The following UGT2A1 variants were observed in gnomAD, a reference collection of about 807,000 sequenced individuals.
UGT2A1 encodes the protein UDP-glucuronosyltransferase 2A1.
UGT2A1 carries 61 observed loss-of-function variants against 45.4 expected under a neutral mutation model. The ratio of observed to expected loss-of-function variants is 1.34; its 90% CI spans 1.09 to 1.66. UGT2A1 has a LOEUF of 1.66. UGT2A1 is among the 40% of genes most tolerant of loss of function. The pLI, the probability that UGT2A1 is intolerant of heterozygous loss-of-function variation, is 0.00. For missense variants in UGT2A1, 649 were observed against 574.3 expected (o/e 1.13, Z -1.33); for synonymous variants, 229 against 196.2 (o/e 1.17, Z -1.40).
At position 69,647,070 on chromosome 4, in the gene UGT2A1, T is replaced by C. The variant is rs530620535; in HGVS notation, c.575A>G (p.Tyr192Cys). The C allele has an allele frequency of 4.8e-5, 77 of 1,612,768 alleles. No homozygotes were observed. The highest frequency in any genetic ancestry group is 5.9e-5 in the Non-Finnish European group (70 of 1,179,286). ...GAGTTCTGATAAAACAGCAGGAACA[T>C]AGGAAGGAGGGTATGGTACCTTCCC... ...HCGKVPYPPSYVPAVLSELTD... is the reference protein window; with the variant it reads ...HCGKVPYPPSCVPAVLSELTD... The change falls in exon 2 of 7, where the codon TAT (tyrosine) becomes TGT (cysteine). Residue 192 changes from tyrosine to cysteine, a missense_variant. Transcript: ENST00000286604.
chr4:69,597,019 T>A (rs1296588878), intron 4 of UGT2A1, among the ~76,000 whole-genome samples: 1 of 152,162 alleles, frequency 6.6e-6, no homozygotes, highest in Non-Finnish European at 1.5e-5. Context: ...TGCAAACTCA[T>A]AAAAACAGTT....
intron 3 of UGT2A1, among the ~76,000 whole-genome samples, chr4:69,611,547 T>A (rs534705082): frequency 6.6e-6 from 1 of 151,628 alleles, no homozygotes; most frequent in Admixed American, 6.6e-5. Context: ...TAGCTCAGAG[T>A]TTTTTTCTCC....
In UGT2A1 at chr4:69,589,140, G is replaced by A. The variant is rs1016963439; in HGVS notation, c.*232C>T. On this transcript the variant is annotated 3_prime_UTR_variant, in exon 7 of 7. Coordinates refer to ENST00000286604, the MANE Select transcript of UGT2A1 (RefSeq NM_001252275.3). ...AGAAAAGTGACAGGAAGAGGGTATA[G>A]TCAGCAGGGAGAGACAAAGGAAAAA... is the stretch of plus-strand genomic sequence containing the variant. 1 of 406,678 alleles carries A rather than the reference G, an allele frequency of 2.5e-6. No homozygotes were observed. Among genetic ancestry groups the A allele is most frequent in the African/African-American group, 2.0e-5 (1 of 49,492 alleles). The allele number at this position is 406,678 out of a possible 1,614,324, so 25.2% of individuals were successfully genotyped here.
chr4:69,617,396 T>A (rs900973603), intron 3 of UGT2A1, among the ~76,000 whole-genome samples: 1 of 151,946 alleles, frequency 6.6e-6, no homozygotes, highest in Non-Finnish European at 1.5e-5. Context: ...GATCTACTTA[T>A]GTTTATACAA....
intron 3 of UGT2A1, among the ~76,000 whole-genome samples, chr4:69,625,807 C>T (rs1310579572): frequency 2.6e-5 from 4 of 151,408 alleles, no homozygotes; most frequent in African/African-American, 7.3e-5. Flanking sequence ...AATCAATAAA[C>T]AAATATTAAA....
chr4:69,607,620 G>C (rs1306426317), intron 3 of UGT2A1, among the ~76,000 whole-genome samples: 1 of 152,154 alleles, frequency 6.6e-6, no homozygotes, highest in Non-Finnish European at 1.5e-5. Context: ...ACTACCATCA[G>C]AGTGAACAGG....
chr4:69,650,917 AAGTAT>A (rs1166192279), intron 1 of UGT2A1, among the ~76,000 whole-genome samples: 1 of 152,184 alleles, frequency 6.6e-6, no homozygotes, highest in Non-Finnish European at 1.5e-5. Flanking sequence ...ATTCATGCTG[AAGTAT>A]AGGCTACCTG....
intron 6 of UGT2A1, among the ~76,000 whole-genome samples, chr4:69,591,406 T>C (rs977468026): frequency 2.6e-5 from 4 of 152,140 alleles, no homozygotes; most frequent in African/African-American, 9.7e-5. Context: ...TGACAATTGG[T>C]TGAGTTTCTC....
At chr4:69,627,279 A>T (rs549468588) in intron 3 of UGT2A1, among the ~76,000 whole-genome samples, 95 of 152,010 alleles carry the variant, frequency 6.2e-4, no homozygotes, top group Admixed American at 5.2e-3. Context: ...TATAAAAAAA[A>T]TCAAATCCAC....
At chr4:69,610,782 C>T (rs1487465053) in intron 3 of UGT2A1, among the ~76,000 whole-genome samples, 1 of 152,138 alleles carries the variant, frequency 6.6e-6, no homozygotes, top group Non-Finnish European at 1.5e-5. Flanking sequence ...ACAGACCTGG[C>T]AAACCCTGAT....
intron 3 of UGT2A1, among the ~76,000 whole-genome samples, chr4:69,611,182 G>C (rs1051560799): frequency 6.6e-6 from 1 of 151,478 alleles, no homozygotes; most frequent in Non-Finnish European, 1.5e-5. Flanking sequence ...ATCTTGCTCT[G>C]TCACTCAAGC....
Position 69,599,414 on chromosome 4 carries a change from T to C in UGT2A1, c.848-20A>G, listed in dbSNP as rs887930336. 6.2e-7 allele frequency: 1 copy of C among 1,610,206 alleles called. No homozygotes were observed. The highest frequency in any genetic ancestry group is 8.5e-7 in the Non-Finnish European group (1 of 1,179,084). On this transcript the variant is annotated intron_variant, in intron 3 of 6. Coordinates refer to ENST00000286604, the MANE Select transcript of UGT2A1 (RefSeq NM_001252275.3). ...GTCTTCCTGGAGAAAATGTAACAAG[T>C]TGGATGGAGGAAATTAGCTTATATG...
At chr4:69,635,301 G>A (rs182619443) in intron 3 of UGT2A1, among the ~76,000 whole-genome samples, 48 of 152,158 alleles carry the variant, frequency 3.2e-4, no homozygotes, top group Admixed American at 1.0e-3. Flanking sequence ...TTATTACTGG[G>A]CTTTCTGCTC....
At chr4:69,613,176 A>T (rs1377597445) in intron 3 of UGT2A1, among the ~76,000 whole-genome samples, 2 of 152,016 alleles carry the variant, frequency 1.3e-5, no homozygotes, top group South Asian at 2.1e-4. Context: ...AATCATAATG[A>T]TATATAAAAC....
At chr4:69,617,138 A>C (rs1720451128) in intron 3 of UGT2A1, among the ~76,000 whole-genome samples, 1 of 151,980 alleles carries the variant, frequency 6.6e-6, no homozygotes, top group Non-Finnish European at 1.5e-5. Flanking sequence ...ATTCAACAAT[A>C]AACTATGTGT....
chr4:69,599,435 A>G (rs3775782), intron 3 of UGT2A1, 41 bp from the exon 4 acceptor site: 2 of 1,598,776 alleles, frequency 1.3e-6, no homozygotes, highest in African/African-American at 2.7e-5. Context: ...AAATTAGCTT[A>G]TATGTTTGCT....
intron 2 of UGT2A1, among the ~76,000 whole-genome samples, chr4:69,637,479 T>C (rs944044801): frequency 1.3e-5 from 2 of 152,112 alleles, no homozygotes; most frequent in African/African-American, 4.8e-5. Context: ...GTGTATGGCT[T>C]GCCACAGGTC....
chr4:69,635,849 AAGAGAG>A lies in UGT2A1; in HGVS notation c.716-33_716-28del, dbSNP rs760585451. 1.9e-3 allele frequency: 231 copies of A among 118,536 alleles called. 1 individual carries two copies. Among genetic ancestry groups the A allele is most frequent in the African/African-American group, 4.8e-3 (120 of 25,104 alleles). 7.3% of individuals were successfully genotyped at this position (118,536 alleles called of 1,614,324 possible). A position where few individuals can be genotyped will look rare whatever the true frequency, so the allele number is the denominator to read the frequency against. On this transcript the variant is annotated intron_variant, in intron 2 of 6. Transcript: ENST00000286604. The stretch of plus-strand genomic sequence containing the variant: ...TCACCAAAAAAAAAAAAAAAAAAAA[AAGAGAG>A]AGAGAGAGAGAAATAAGGTTCAGTT...
chr4:69,589,590 C>T lies in UGT2A1; in HGVS notation c.1366G>A (p.Asp456Asn). Residue 456 changes from aspartate to asparagine, a missense_variant, in exon 7 of 7, where the codon GAT becomes AAT. Physicochemically the swap from Asp to Asn is conservative, Grantham distance 23. Coordinates refer to ENST00000286604, the MANE Select transcript of UGT2A1 (RefSeq NM_001252275.3). Reference protein sequence around the residue: ...IHHDQPVKPLDRAVFWIEFVM... With the variant: ...IHHDQPVKPLNRAVFWIEFVM... ...AACTCGATCCAGAAGACTGCTCGAT[C>T]CAGGGGCTTTACAGGTTGATCATGG... The T allele has an allele frequency of 1.9e-6, 3 of 1,613,972 alleles. No homozygotes were observed. Among genetic ancestry groups the T allele is most frequent in the African/African-American group, 2.7e-5 (2 of 75,018 alleles).
Sources: gnomAD v4.1 joint callset for allele counts (sites outside exome capture counted in the v4.1 genomes callset) on GRCh38, gnomAD v4.1.1 for gene constraint, MANE v1.5 for transcripts, NCBI Gene and HGNC (gene_info 2026-07-23, HGNC 2026-07-21) for gene names.